Variants in NOS1AP observed in about 807,000 individuals in gnomAD.
NOS1AP encodes the protein carboxyl-terminal PDZ ligand of neuronal nitric oxide synthase protein.
Under a neutral mutation model 56.2 loss-of-function variants are expected in NOS1AP, and 21 were observed. The ratio of observed to expected loss-of-function variants is 0.37; its 90% CI spans 0.26 to 0.54. The LOEUF is 0.54. NOS1AP is among the 20% of genes least tolerant of loss of function. The pLI, the probability that NOS1AP is intolerant of heterozygous loss-of-function variation, is 0.84. For synonymous variants in NOS1AP, 270 were observed against 274.6 expected (o/e 0.98, Z 0.17); for missense variants, 522 against 657.8 (o/e 0.79, Z 2.26).
At chr1:162,104,787 G>A (rs952438884) in intron 1 of NOS1AP, among the ~76,000 whole-genome samples, 3 of 152,048 alleles carry the variant, frequency 2.0e-5, no homozygotes, top group African/African-American at 7.2e-5. Flanking sequence ...CCTGCCTATT[G>A]TGGCTATCAG....
chr1:162,134,955 C>T (rs1180956263), intron 1 of NOS1AP, among the ~76,000 whole-genome samples: 1 of 152,194 alleles, frequency 6.6e-6, no homozygotes, highest in Non-Finnish European at 1.5e-5. Context: ...GGCCATGCTG[C>T]CTCAACTCTC....
At chr1:162,349,836 C>T (rs921016083) in intron 6 of NOS1AP, among the ~76,000 whole-genome samples, 7 of 152,068 alleles carry the variant, frequency 4.6e-5, no homozygotes, top group African/African-American at 1.2e-4. Context: ...TGTGTAGTGC[C>T]GAGGCCATGA....
chr1:162,274,496 G>A (rs1398422267), intron 2 of NOS1AP, among the ~76,000 whole-genome samples: 4 of 152,322 alleles, frequency 2.6e-5, no homozygotes, highest in East Asian at 3.9e-4. Context: ...ACCATACAGT[G>A]TTTAGTTGTT....
At chr1:162,212,197 C>A (rs1339375989) in intron 2 of NOS1AP, among the ~76,000 whole-genome samples, 2 of 152,128 alleles carry the variant, frequency 1.3e-5, no homozygotes, top group Non-Finnish European at 2.9e-5. Context: ...ATCGTGTGGC[C>A]CCCTCTGCAA....
chr1:162,283,066 C>G (rs1416424447), intron 2 of NOS1AP, among the ~76,000 whole-genome samples: 2 of 150,024 alleles, frequency 1.3e-5, no homozygotes, highest in South Asian at 2.2e-4. Context: ...TTTTCTCTCT[C>G]TCTCTTTATT....
chr1:162,122,421 G>C (rs991703854), intron 1 of NOS1AP, among the ~76,000 whole-genome samples: 1 of 152,000 alleles, frequency 6.6e-6, no homozygotes, highest in Non-Finnish European at 1.5e-5. Flanking sequence ...GCATGTAGTA[G>C]GTCTTTGGGA....
rs901143729 is a variant in NOS1AP at position 162,188,439 on chromosome 1, C to T, written c.177+33963C>T. On this transcript the variant is annotated intron_variant, in intron 2 of 9. Transcript: ENST00000361897. The surrounding 1 kb of genome is among the most constrained non-coding windows in gnomAD (Gnocchi z 4.0). ...GCTCTGTTGTTAATATCTTATAAGA[C>T]CTGGATCACTTGCTTTATTGAAATG... Among the ~76,000 whole-genome samples, 4 of 152,126 alleles carry T rather than the reference C, an allele frequency of 2.6e-5. No individual in the cohort carries two copies. Among genetic ancestry groups the T allele is most frequent in the Non-Finnish European group, 5.9e-5 (4 of 68,026 alleles).
At chr1:162,107,790 A>G (rs1280976185) in intron 1 of NOS1AP, among the ~76,000 whole-genome samples, 1 of 152,246 alleles carries the variant, frequency 6.6e-6, no homozygotes, top group African/African-American at 2.4e-5. Context: ...TTGATTGTAT[A>G]TCCCTATCGG....
At chr1:162,362,489 GA>G (rs1405464074) in intron 8 of NOS1AP, among the ~76,000 whole-genome samples, 2 of 150,882 alleles carry the variant, frequency 1.3e-5, no homozygotes, top group African/African-American at 4.9e-5. Context: ...GAAAAGAAAA[GA>G]AAAGAAACTG....
chr1:162,295,184 C>T (rs1198207884), intron 3 of NOS1AP, among the ~76,000 whole-genome samples: 2 of 152,176 alleles, frequency 1.3e-5, no homozygotes, highest in African/African-American at 4.8e-5. Flanking sequence ...TCCTTTTCTC[C>T]TCTCTTTCTC....
intron 2 of NOS1AP, among the ~76,000 whole-genome samples, chr1:162,209,147 C>G (rs1652259690): frequency 1.3e-5 from 2 of 152,154 alleles, no homozygotes; most frequent in African/African-American, 2.4e-5. Context: ...CCTTTAAACC[C>G]CATGGGGCCT....
At chr1:162,278,008 C>T (rs1017878772) in intron 2 of NOS1AP, among the ~76,000 whole-genome samples, 1 of 152,150 alleles carries the variant, frequency 6.6e-6, no homozygotes, top group African/African-American at 2.4e-5. Flanking sequence ...CTTTTTAAAA[C>T]CCTTAAGCAC....
intron 2 of NOS1AP, among the ~76,000 whole-genome samples, chr1:162,273,590 A>T (rs1654652052): frequency 6.6e-6 from 1 of 152,144 alleles, no homozygotes; most frequent in African/African-American, 2.4e-5. Flanking sequence ...CAAGGTTTTC[A>T]TTCACTCCAC....
At chr1:162,168,050 T>C (rs1650586698) in intron 2 of NOS1AP, among the ~76,000 whole-genome samples, 1 of 151,948 alleles carries the variant, frequency 6.6e-6, no homozygotes, top group African/African-American at 2.4e-5. Flanking sequence ...TGATGTTAGT[T>C]GTTATATAAC....
chr1:162,144,155 T>C (rs1210994023), intron 1 of NOS1AP, among the ~76,000 whole-genome samples: 3 of 152,266 alleles, frequency 2.0e-5, no homozygotes, highest in Non-Finnish European at 4.4e-5. Context: ...TTTGACCTTC[T>C]GACCATTTGG....
At chr1:162,292,601 G>T (rs963683006) in intron 3 of NOS1AP, among the ~76,000 whole-genome samples, 3 of 152,162 alleles carry the variant, frequency 2.0e-5, no homozygotes, top group African/African-American at 4.8e-5. Flanking sequence ...TCCCAAGCAG[G>T]TTCTTTCCAC....
intron 1 of NOS1AP, among the ~76,000 whole-genome samples, chr1:162,119,412 A>G (rs1181174389): frequency 6.6e-6 from 1 of 152,198 alleles, no homozygotes; most frequent in African/African-American, 2.4e-5. Context: ...GCTTTTCCCT[A>G]AGAACTGTAT....
intron 5 of NOS1AP, among the ~76,000 whole-genome samples, chr1:162,341,981 T>G (rs768568255): frequency 2.6e-5 from 4 of 152,148 alleles, no homozygotes; most frequent in African/African-American, 4.8e-5. Context: ...TGCTTAGGAC[T>G]GATGCCTACT....
intron 2 of NOS1AP, among the ~76,000 whole-genome samples, chr1:162,204,350 CA>C (rs1367688102): frequency 3.9e-5 from 6 of 152,222 alleles, no homozygotes; most frequent in African/African-American, 1.4e-4. Flanking sequence ...TTTCCGCTTA[CA>C]TGTCACTTCT....
Sources: allele counts gnomAD v4.1 joint callset (sites outside exome capture counted in the v4.1 genomes callset), GRCh38; gene constraint gnomAD v4.1.1; non-coding constraint Gnocchi (gnomAD v3.1); transcripts MANE v1.5; gene names NCBI Gene and HGNC (gene_info 2026-07-23, HGNC 2026-07-21).